The following TACR1 variants were observed in gnomAD, a reference collection of about 807,000 sequenced individuals.
TACR1 encodes substance-P receptor.
TACR1 carries 25 observed loss-of-function variants against 35.8 expected under a neutral mutation model. That is an observed-to-expected ratio of 0.70 (90% CI 0.51 to 0.98). TACR1 has a LOEUF of 0.98. Among genes scored for constraint, TACR1 ranks in the 50% least tolerant of loss-of-function variants. TACR1 has a pLI of 0.00. For synonymous variants in TACR1, 195 were observed against 206.7 expected (o/e 0.94, Z 0.48); for missense variants, 478 against 522.9 (o/e 0.91, Z 0.84).
At chr2:75,082,429 G>A (rs1452477582) in intron 2 of TACR1, among the ~76,000 whole-genome samples, 2 of 152,068 alleles carry the variant, frequency 1.3e-5, no homozygotes, top group Admixed American at 1.3e-4. Flanking sequence ...TATTCCTTTG[G>A]GTATATACCC....
At chr2:75,177,298 G>A (rs529334156) in intron 1 of TACR1, among the ~76,000 whole-genome samples, 4 of 152,042 alleles carry the variant, frequency 2.6e-5, no homozygotes, top group African/African-American at 9.7e-5. Flanking sequence ...CCCCACCACT[G>A]TTCCTGTCTT....
chr2:75,079,414 G>A (rs1673037184), intron 2 of TACR1, among the ~76,000 whole-genome samples: 1 of 152,162 alleles, frequency 6.6e-6, no homozygotes, highest in South Asian at 2.1e-4. Flanking sequence ...ACTTTCTACT[G>A]GTTAAAGTGT....
intron 2 of TACR1, among the ~76,000 whole-genome samples, chr2:75,073,840 T>G (rs1672927536): frequency 6.6e-6 from 1 of 152,192 alleles, no homozygotes; most frequent in Non-Finnish European, 1.5e-5. Context: ...AAGGGCTGTT[T>G]CTGCTGGATA....
intron 1 of TACR1, among the ~76,000 whole-genome samples, chr2:75,134,256 T>A (rs1674235763): frequency 6.6e-6 from 1 of 152,208 alleles, no homozygotes. Context: ...TTGCACAAGA[T>A]CCAAGAACCC....
rs529482590 is a variant in TACR1 at position 75,049,084 on chromosome 2, G to A, written c.*348C>T. 107 of 222,690 alleles carry A rather than the reference G, an allele frequency of 4.8e-4. No individual in the cohort carries two copies. Among genetic ancestry groups the A allele is most frequent in the African/African-American group, 2.3e-3 (102 of 44,032 alleles). 13.8% of individuals were successfully genotyped at this position (222,690 alleles called of 1,614,324 possible). On this transcript the variant is annotated 3_prime_UTR_variant, in exon 5 of 5. Transcript: ENST00000305249. ...CCAGGAAAATGAGTCTTCCGGGTCC[G>A]CAGCTGTGCTGCAGAATTCATCCTG... is the stretch of plus-strand genomic sequence containing the variant.
chr2:75,065,481 C>T (rs1192071371), intron 2 of TACR1, among the ~76,000 whole-genome samples: 4 of 152,124 alleles, frequency 2.6e-5, no homozygotes, highest in African/African-American at 9.7e-5. Flanking sequence ...GGTCTTAATT[C>T]TATTGTGTTG....
rs1157488288 is a variant in TACR1, at chr2:75,139,975, G to T, written c.390-19207C>A. On this transcript the variant is annotated intron_variant, in intron 1 of 4. Coordinates refer to ENST00000305249, the MANE Select transcript of TACR1 (RefSeq NM_001058.4). ...ATCCAGGTTGTTAACGGAGAGAGGAGACATAGTTCAGAAATCTGCTTTTCT... is the reference window on the plus strand; with the variant it reads ...ATCCAGGTTGTTAACGGAGAGAGGATACATAGTTCAGAAATCTGCTTTTCT... Among the ~76,000 whole-genome samples the T allele has an allele frequency of 2.6e-5, 4 of 152,136 alleles. No homozygotes were observed. In the East Asian group the frequency reaches 7.7e-4, roughly 29 times the overall value.
chr2:75,136,443 C>T (rs1049712945), intron 1 of TACR1, among the ~76,000 whole-genome samples: 11 of 152,162 alleles, frequency 7.2e-5, no homozygotes, highest in Admixed American at 6.5e-4. Flanking sequence ...GACAGGTATG[C>T]ACTTTTGGCA....
Position 75,147,082 on chromosome 2 carries a change from G to A in TACR1, c.390-26314C>T, listed in dbSNP as rs117310549. 6.6e-4 allele frequency among the ~76,000 whole-genome samples: 100 copies of A among 152,336 alleles called. No homozygotes were observed. In the East Asian group the frequency reaches 0.013, roughly 19 times the overall value. ...CTGTGCATTGTTTCAGCCATCAGAC[G>A]GTGAGTAGGATTCCTGTTCCAGTCA... On this transcript the variant is annotated intron_variant, in intron 1 of 4. Transcript: ENST00000305249.
chr2:75,196,108 G>T (rs917945891), intron 1 of TACR1, among the ~76,000 whole-genome samples: 5 of 152,182 alleles, frequency 3.3e-5, no homozygotes, highest in Non-Finnish European at 7.4e-5. Context: ...TATTTTTAAA[G>T]ACTTGATTCA....
At chr2:75,089,542 C>G (rs751873666) in intron 2 of TACR1, among the ~76,000 whole-genome samples, 1 of 152,130 alleles carries the variant, frequency 6.6e-6, no homozygotes, top group African/African-American at 2.4e-5. Context: ...TAAAAGAGAC[C>G]TTAGAGACTA....
intron 2 of TACR1, among the ~76,000 whole-genome samples, chr2:75,088,644 G>A (rs1022865653): frequency 3.3e-5 from 5 of 152,050 alleles, no homozygotes; most frequent in Non-Finnish European, 5.9e-5. Context: ...ATGGCAGGGG[G>A]CATTTCTCTG....
intron 2 of TACR1, among the ~76,000 whole-genome samples, chr2:75,110,049 G>T (rs1673721192): frequency 6.6e-6 from 1 of 152,024 alleles, no homozygotes; most frequent in Non-Finnish European, 1.5e-5. Context: ...CATGTCTTCT[G>T]GTGCGGCTTT....
At chr2:75,082,087 C>A (rs1673099131) in intron 2 of TACR1, among the ~76,000 whole-genome samples, 2 of 152,162 alleles carry the variant, frequency 1.3e-5, no homozygotes, top group East Asian at 3.9e-4. Flanking sequence ...CACCCCACAA[C>A]AGGCTCTGGG....
intron 1 of TACR1, among the ~76,000 whole-genome samples, chr2:75,194,005 A>C (rs1675908942): frequency 6.6e-6 from 1 of 152,162 alleles, no homozygotes; most frequent in African/African-American, 2.4e-5. Context: ...ACTCTAATTC[A>C]GCAACAATAA....
At chr2:75,105,434 T>C (rs1011837279) in intron 2 of TACR1, among the ~76,000 whole-genome samples, 3 of 151,974 alleles carry the variant, frequency 2.0e-5, no homozygotes, top group Non-Finnish European at 4.4e-5. Flanking sequence ...TTAGGATGAA[T>C]AAGTTGCAGC....
chr2:75,061,938 A>G (rs565231178), intron 2 of TACR1, among the ~76,000 whole-genome samples: 71 of 152,342 alleles, frequency 4.7e-4, no homozygotes, highest in Non-Finnish European at 8.5e-4. Flanking sequence ...TACTTTTTAT[A>G]TACGACTATT....
At chr2:75,057,493 A>G (rs1034687147) in intron 2 of TACR1, among the ~76,000 whole-genome samples, 1 of 152,222 alleles carries the variant, frequency 6.6e-6, no homozygotes, top group Non-Finnish European at 1.5e-5. Flanking sequence ...GAAACATTCA[A>G]CCTTAAAAAA....
At chr2:75,078,214 A>T (rs1673015699) in intron 2 of TACR1, among the ~76,000 whole-genome samples, 2 of 152,006 alleles carry the variant, frequency 1.3e-5, no homozygotes, top group Admixed American at 1.3e-4. Context: ...CTGAATTATG[A>T]GCCTAGTTCA....
Sources: allele counts gnomAD v4.1 joint callset (sites outside exome capture counted in the v4.1 genomes callset), GRCh38; gene constraint gnomAD v4.1.1; transcripts MANE v1.5; gene names NCBI Gene and HGNC (gene_info 2026-07-23, HGNC 2026-07-21).